FAM135A: variants seen among roughly 807,000 people sequenced by gnomAD.
FAM135A encodes protein FAM135A.
Under a neutral mutation model 146.8 loss-of-function variants are expected in FAM135A, and 79 were observed. The observed-to-expected ratio is 0.54, with a 90% CI of 0.45 to 0.65. The LOEUF is 0.65. Among genes scored for constraint, FAM135A ranks in the 30% least tolerant of loss-of-function variants. The pLI is 0.00. For synonymous variants in FAM135A, 562 were observed against 603.6 expected (o/e 0.93, Z 1.01); for missense variants, 1,623 against 1,758.2 (o/e 0.92, Z 1.38).
chr6:70,518,829 C>T (rs1029728452), intron 12 of FAM135A, among the ~76,000 whole-genome samples: 2 of 152,208 alleles, frequency 1.3e-5, no homozygotes, highest in South Asian at 2.1e-4. Context: ...TATTATTGCT[C>T]ATTAATATTG....
At chr6:70,498,504 T>G (rs551802216) in intron 11 of FAM135A, among the ~76,000 whole-genome samples, 1 of 152,362 alleles carries the variant, frequency 6.6e-6, no homozygotes, top group East Asian at 1.9e-4. Context: ...TAGTTATTTC[T>G]TGTCTTCTGC....
At chr6:70,533,610 T>TA (rs1174212178) in intron 17 of FAM135A, 147 bp from the exon 18 acceptor site, 22 of 583,248 alleles carry the variant, frequency 3.8e-5, no homozygotes, top group Non-Finnish European at 5.2e-5. Flanking sequence ...CGTTTTAAGA[T>TA]AAAAAAATTA....
At chr6:70,490,629 T>G (rs982686993) in intron 10 of FAM135A, among the ~76,000 whole-genome samples, 3 of 152,028 alleles carry the variant, frequency 2.0e-5, no homozygotes, top group African/African-American at 2.4e-5. Flanking sequence ...ACTTGAGCAT[T>G]TTAGGAATAG....
intron 11 of FAM135A, among the ~76,000 whole-genome samples, chr6:70,496,687 G>A (rs577814772): frequency 9.2e-5 from 14 of 152,170 alleles, no homozygotes; most frequent in African/African-American, 2.9e-4. Flanking sequence ...TGTATAAGGT[G>A]TAAGGAAGGG....
At chr6:70,495,463 C>T (rs868868109) in intron 11 of FAM135A, among the ~76,000 whole-genome samples, 1 of 151,870 alleles carries the variant, frequency 6.6e-6, no homozygotes, top group South Asian at 2.1e-4. Flanking sequence ...TTTTGTTTAG[C>T]GTCTTCTCTG....
chr6:70,416,587 A>G (rs1433995628), intron 2 of FAM135A, among the ~76,000 whole-genome samples: 3 of 152,114 alleles, frequency 2.0e-5, no homozygotes, highest in Non-Finnish European at 4.4e-5. Context: ...TATAGATTTG[A>G]AGTGTTTTTT....
At chr6:70,483,473 A>G (rs537951074) in intron 10 of FAM135A, among the ~76,000 whole-genome samples, 24 of 152,288 alleles carry the variant, frequency 1.6e-4, no homozygotes, top group Middle Eastern at 3.4e-3. Context: ...TTGCTACTTT[A>G]TGTTCTTAGA....
intron 12 of FAM135A, among the ~76,000 whole-genome samples, chr6:70,516,106 C>T (rs116427172): frequency 7.1e-4 from 108 of 152,200 alleles, no homozygotes; most frequent in African/African-American, 2.5e-3. Context: ...ACCAGTTTTA[C>T]AGTTGTTTGC....
intron 16 of FAM135A, among the ~76,000 whole-genome samples, chr6:70,529,045 CTTA>C (rs1243523237): frequency 6.6e-6 from 1 of 151,694 alleles, no homozygotes; most frequent in African/African-American, 2.4e-5. Flanking sequence ...TATCTTCTCT[CTTA>C]TTGTTGGTTT....
intron 5 of FAM135A, among the ~76,000 whole-genome samples, chr6:70,459,795 T>C (rs1191818182): frequency 1.6e-4 from 24 of 152,128 alleles, no homozygotes; most frequent in Admixed American, 1.6e-3. Context: ...TTTGGGAGGC[T>C]GAAGCGGGCA....
chr6:70,507,788 A>G (rs1187953649), intron 12 of FAM135A, among the ~76,000 whole-genome samples: 1 of 152,066 alleles, frequency 6.6e-6, no homozygotes, highest in Non-Finnish European at 1.5e-5. Context: ...AAGATAAAAT[A>G]TATTTATGAT....
At chr6:70,445,138 CAG>C (rs145249477) in intron 4 of FAM135A, among the ~76,000 whole-genome samples, 3,919 of 152,204 alleles carry the variant, frequency 0.026, 160 homozygotes, top group African/African-American at 0.088. Context: ...AATACATAAA[CAG>C]GGGTGGTAAA....
At chr6:70,464,823 C>T (rs1200829560) in intron 5 of FAM135A, among the ~76,000 whole-genome samples, 1 of 142,478 alleles carries the variant, frequency 7.0e-6, no homozygotes, top group Non-Finnish European at 1.5e-5. Context: ...TGCACCACCA[C>T]GCCTGGCCAA....
At chr6:70,489,665 A>T (rs1216832475) in intron 10 of FAM135A, among the ~76,000 whole-genome samples, 1 of 152,198 alleles carries the variant, frequency 6.6e-6, no homozygotes, top group African/African-American at 2.4e-5. Flanking sequence ...TGAAGAATAC[A>T]TGATTATTCA....
At chr6:70,524,162 GT>G in intron 14 of FAM135A, 41 bp downstream of exon 14, 1 of 1,540,572 alleles carries the variant, frequency 6.5e-7, no homozygotes, top group Middle Eastern at 1.7e-4. Context: ...TATGTGTATA[GT>G]TTTCAGTATA....
chr6:70,529,387 T>G (rs1285853368), intron 16 of FAM135A, among the ~76,000 whole-genome samples: 1 of 150,920 alleles, frequency 6.6e-6, no homozygotes, highest in Non-Finnish European at 1.5e-5. Context: ...TATGAAAATA[T>G]TAAACAAATG....
At chr6:70,417,707 G>A (rs944053359) in intron 2 of FAM135A, 6 of 763,604 alleles carry the variant, frequency 7.9e-6, no homozygotes, top group African/African-American at 1.9e-5. Context: ...CAGATTGCCA[G>A]CAAGTCAAGG....
intron 4 of FAM135A, among the ~76,000 whole-genome samples, chr6:70,432,929 T>C (rs1052558206): frequency 6.6e-6 from 1 of 152,092 alleles, no homozygotes; most frequent in Non-Finnish European, 1.5e-5. Context: ...TAGGGACTTT[T>C]TTTAGAGTTA....
chr6:70,487,448 T>C (rs570440940), intron 10 of FAM135A, among the ~76,000 whole-genome samples: 1 of 152,176 alleles, frequency 6.6e-6, no homozygotes, highest in African/African-American at 2.4e-5. Context: ...AAAAGTGAAA[T>C]AAAATAAGTA....
Sources: allele counts gnomAD v4.1 joint callset (sites outside exome capture counted in the v4.1 genomes callset), GRCh38; gene constraint gnomAD v4.1.1; transcripts MANE v1.5; gene names NCBI Gene and HGNC (gene_info 2026-07-23, HGNC 2026-07-21).